STXBP2: variants seen among roughly 807,000 people sequenced by gnomAD.
The protein encoded by STXBP2 is syntaxin binding protein 2.
In STXBP2, 47 loss-of-function variants were observed where a neutral mutation model predicts 72.2. The observed-to-expected ratio is 0.65, with a 90% CI of 0.51 to 0.83. The LOEUF is 0.83. Among genes scored for constraint, STXBP2 ranks in the 40% least tolerant of loss-of-function variants. The pLI, the probability that STXBP2 is intolerant of heterozygous loss-of-function variation, is 0.00. For synonymous variants in STXBP2, 367 were observed against 338.7 expected (o/e 1.08, Z -0.92); for missense variants, 702 against 807.6 (o/e 0.87, Z 1.58).
Position 7,642,690 on chromosome 19 carries a change from T to C in STXBP2, c.903-76T>C. 1 of 1,505,638 alleles carries C rather than the reference T, an allele frequency of 6.6e-7. No individual in the cohort carries two copies. The highest frequency in any genetic ancestry group is 9.2e-7 in the Non-Finnish European group (1 of 1,087,224). 93.3% of individuals were successfully genotyped at this position (1,505,638 alleles called of 1,614,324 possible). On this transcript the variant is annotated intron_variant, in intron 10 of 18. Coordinates refer to ENST00000221283, the MANE Select transcript of STXBP2 (RefSeq NM_006949.4). This position sits in a 1 kb window ranked among gnomAD's most constrained non-coding sequence, Gnocchi z 6.0. ...TCCAATTTCACCCCACCTCTCCCTG[T>C]CCCCCCTGAGTGGGCTCACCCATGG... is the stretch of plus-strand genomic sequence containing the variant.
intron 7 of STXBP2, 56 bp downstream of exon 7, chr19:7,641,909 CACCTA>C: frequency 6.5e-7 from 1 of 1,539,106 alleles, no homozygotes; most frequent in African/African-American, 1.5e-5. Flanking sequence ...CCGCGTGCAA[CACCTA>C]ACCTTTAACC....
At position 7,643,224 on chromosome 19, in the gene STXBP2, G is replaced by A; in HGVS notation, c.1086G>A (p.Glu362=). Residue 362 remains glutamate, a synonymous_variant, in exon 13 of 19, where the codon GAG becomes GAA. Transcript: ENST00000221283. ...TGAAGCACTTCAAGGGCTCGGTGGAGAAGCTGTGTAGTGTGGAGCAGGTGG... is the reference window on the plus strand; with the variant it reads ...TGAAGCACTTCAAGGGCTCGGTGGAAAAGCTGTGTAGTGTGGAGCAGGTGG... ...DCMKHFKGSV[E]KLCSVEQDLA... The A allele has an allele frequency of 6.2e-7, 1 of 1,613,928 alleles. No individual in the cohort carries two copies. Among genetic ancestry groups the A allele is most frequent in the East Asian group, 2.2e-5 (1 of 44,872 alleles).
At chr19:7,631,483 T>G in the STXBP2 span, 1 of 1,535,170 alleles carries the variant, frequency 6.5e-7, no homozygotes, top group East Asian at 2.5e-5. Context: ...CTTCAAGAGA[T>G]AGAGGAATTC....
chr19:7,632,883 C>T (rs2031386310), upstream of STXBP2: 2 of 1,532,824 alleles, frequency 1.3e-6, no homozygotes, highest in Non-Finnish European at 1.8e-6. This position sits in a 1 kb window ranked among gnomAD's most constrained non-coding sequence, Gnocchi z 5.2. Flanking sequence ...GGGCCCCTCC[C>T]CAAACTTCCT....
chr19:7,644,199 C>T, intron 13 of STXBP2: 1 of 145,046 alleles, frequency 6.9e-6, no homozygotes, highest in African/African-American at 6.1e-5. Context: ...AGAGGTGGGA[C>T]CTGGGTGAGG....
upstream of STXBP2, chr19:7,636,972 G>C (rs770356761): frequency 5.6e-5 from 32 of 569,742 alleles, no homozygotes; most frequent in South Asian, 9.3e-5. Flanking sequence ...GCACCTGCCC[G>C]TCCTCCCCGC....
intron 6 of STXBP2, among the ~76,000 whole-genome samples, 173 bp from the exon 7 acceptor site, chr19:7,641,532 A>C (rs2031876038): frequency 6.6e-6 from 1 of 152,148 alleles, no homozygotes; most frequent in Admixed American, 6.5e-5. Flanking sequence ...GTATTTATCC[A>C]CTGACTCCTG....
chr19:7,640,174 G>T, intron 4 of STXBP2: 1 of 463,160 alleles, frequency 2.2e-6, no homozygotes, highest in Non-Finnish European at 4.4e-6. Context: ...GTGTGTGTGC[G>T]TCTGTCTGTG....
rs549343025 is a variant in STXBP2, at chr19:7,640,340, GTGTA to G, written c.247-388_247-385del. The G allele has an allele frequency of 1.3e-4, 71 of 533,548 alleles. No homozygotes were observed. In the East Asian group the frequency reaches 3.0e-3, roughly 22 times the overall value. 33.1% of individuals were successfully genotyped at this position (533,548 alleles called of 1,614,324 possible). On this transcript the variant is annotated intron_variant, in intron 4 of 18. Transcript: ENST00000221283. Reference sequence around the variant, plus strand: ...TCTGTGTGTGCGTGTGTATGCGTGTGTGTATGCGTCTGTGCATGTGTGTATGCGT... The same window carrying G: ...TCTGTGTGTGCGTGTGTATGCGTGTGTGCGTCTGTGCATGTGTGTATGCGT...
In STXBP2 at chr19:7,645,236, C is replaced by T. The variant is rs199924392; in HGVS notation, c.1286C>T (p.Ala429Val). Residue 429 changes from alanine (A) to valine (V), a missense_variant, in exon 15 of 19, where the codon GCC (alanine) becomes GTC (valine). Transcript: ENST00000221283. ...AACCTGGCCAAGCTGATCCAGCATG[C>T]CAATGTACAGGCGCACAGCAGCCTC... ...EENLAKLIQH[A>V]NVQAHSSLIR... The T allele has an allele frequency of 7.6e-4, 1,193 of 1,577,622 alleles. 3 individuals carry two copies. Among genetic ancestry groups the T allele is most frequent in the Non-Finnish European group, 9.7e-4 (1,121 of 1,160,576 alleles).
chr19:7,642,034 G>T lies in STXBP2; in HGVS notation c.579G>T (p.Lys193Asn), dbSNP rs370172171. ...CCCCCGTGTCTGACCTCCCCGCCAG[G>T]GGCCCAGAGGACACAGCCCAGTTGG... ...LQEYPAIRYR[K>N]GPEDTAQLAH... is the part of the protein sequence containing the mutation. Residue 193 changes from lysine (K) to asparagine (N), a missense_variant and splice_region_variant, in exon 8 of 19, where the codon AAG becomes AAT. By Grantham distance (94) the Lys-to-Asn change is moderately conservative. Coordinates refer to ENST00000221283, the MANE Select transcript of STXBP2 (RefSeq NM_006949.4). The surrounding 1 kb of genome is among the most constrained non-coding windows in gnomAD (Gnocchi z 6.0). 9.3e-6 allele frequency: 15 copies of T among 1,613,982 alleles called. No individual in the cohort carries two copies. The highest frequency in any genetic ancestry group is 1.3e-5 in the Non-Finnish European group (15 of 1,179,936).
At chr19:7,632,699 C>A, upstream of STXBP2, 1 of 1,550,810 alleles carries the variant, frequency 6.4e-7, no homozygotes, top group Non-Finnish European at 8.7e-7. This position sits in a 1 kb window ranked among gnomAD's most constrained non-coding sequence, Gnocchi z 5.2. Context: ...GGACAGCACC[C>A]CCGTGCCCAT....
At chr19:7,643,476 G>A (rs2031980299) in intron 13 of STXBP2, among the ~76,000 whole-genome samples, 1 of 152,156 alleles carries the variant, frequency 6.6e-6, no homozygotes, top group African/African-American at 2.4e-5. Flanking sequence ...GGAGAGGTCA[G>A]ACTTGGGTGA....
At chr19:7,638,802 C>T (rs755756024) in intron 2 of STXBP2, 27 bp downstream of exon 2, 1 of 1,613,918 alleles carries the variant, frequency 6.2e-7, no homozygotes, top group South Asian at 1.1e-5. Context: ...TGGCTGGGTA[C>T]CCAGAGGCAG....
At chr19:7,646,738 T>G in intron 16 of STXBP2, 1 of 386,426 alleles carries the variant, frequency 2.6e-6, no homozygotes. Context: ...GGCCCCTCTT[T>G]CTGCGTGGGG....
chr19:7,646,814 G>A, intron 16 of STXBP2: 1 of 439,884 alleles, frequency 2.3e-6, no homozygotes, highest in Non-Finnish European at 4.1e-6. Flanking sequence ...GCTCTGAGGG[G>A]CTGAGAGCCC....
Position 7,647,814 on chromosome 19 carries a change from C to T in STXBP2, c.*4C>T. 2.5e-6 allele frequency: 4 copies of T among 1,607,576 alleles called. No homozygotes were observed. The South Asian group carries it at 3.3e-5, about 13-fold the overall frequency. On this transcript the variant is annotated 3_prime_UTR_variant, in exon 19 of 19. Transcript: ENST00000221283. Reference sequence around the variant, plus strand: ...GGAGGACATTGCCCTGCCCTGACCCCTGGCCCCGCCCCCTACCCCTCCCTT... The same window carrying T: ...GGAGGACATTGCCCTGCCCTGACCCTTGGCCCCGCCCCCTACCCCTCCCTT...
At chr19:7,644,792 C>G in intron 14 of STXBP2, 40 bp downstream of exon 14, 6 of 1,612,814 alleles carry the variant, frequency 3.7e-6, no homozygotes, top group Non-Finnish European at 5.1e-6. Context: ...TCCCCATTTG[C>G]CAGCGTCTCC....
upstream of STXBP2, chr19:7,633,050 GC>G: frequency 7.2e-7 from 1 of 1,393,730 alleles, no homozygotes; most frequent in Non-Finnish European, 9.4e-7. Flanking sequence ...GGCCAGCAGT[GC>G]CACTTCACGT....
Sources: gnomAD v4.1 joint callset for allele counts (sites outside exome capture counted in the v4.1 genomes callset) on GRCh38, gnomAD v4.1.1 for gene constraint, Gnocchi (gnomAD v3.1) non-coding constraint, MANE v1.5 for transcripts, NCBI Gene and HGNC (gene_info 2026-07-23, HGNC 2026-07-21) for gene names.